Variants in PRKCE observed in about 807,000 individuals in gnomAD.
PRKCE encodes the protein protein kinase C epsilon.
In PRKCE, 16 loss-of-function variants were observed where a neutral mutation model predicts 85.4. That is an observed-to-expected ratio of 0.19 (90% CI 0.13 to 0.28). The LOEUF (loss-of-function observed/expected upper bound fraction) is 0.28. Among genes scored for constraint, PRKCE ranks in the 10% least tolerant of loss-of-function variants. The pLI, the probability that PRKCE is intolerant of heterozygous loss-of-function variation, is 1.00. For synonymous variants in PRKCE, 388 were observed against 371.5 expected, an observed-to-expected ratio of 1.04 and a Z score of -0.51; for missense variants, 573 against 975.2, an observed-to-expected ratio of 0.59 and a Z score of 5.49.
chr2:45,796,358 G>A (rs952209337), intron 1 of PRKCE, among the ~76,000 whole-genome samples: 13 of 152,196 alleles, frequency 8.5e-5, no homozygotes, highest in African/African-American at 2.4e-4. Context: ...TGTGTCAACC[G>A]AAGATAATAA....
chr2:46,169,179 C>G (rs1272551729), intron 14 of PRKCE, among the ~76,000 whole-genome samples: 1 of 152,182 alleles, frequency 6.6e-6, no homozygotes, highest in Non-Finnish European at 1.5e-5. Context: ...AAGAGACACT[C>G]TGGGGAATCC....
At chr2:45,789,041 G>A (rs1480834196) in intron 1 of PRKCE, among the ~76,000 whole-genome samples, 1 of 152,080 alleles carries the variant, frequency 6.6e-6, no homozygotes, top group East Asian at 1.9e-4. Context: ...CAAGCAAGGT[G>A]GAGAACCACC....
At chr2:45,904,915 G>T (rs575061212) in intron 2 of PRKCE, among the ~76,000 whole-genome samples, 2 of 152,310 alleles carry the variant, frequency 1.3e-5, no homozygotes, top group African/African-American at 4.8e-5. Context: ...GGAGTCAGGG[G>T]AACCTGGGGA....
intron 2 of PRKCE, among the ~76,000 whole-genome samples, chr2:45,849,183 C>T (rs1692042460): frequency 6.6e-6 from 1 of 152,172 alleles, no homozygotes. Flanking sequence ...AAGGCAGTTC[C>T]TTCTGGGTGT....
At chr2:46,180,360 G>T (rs1421448142) in intron 14 of PRKCE, among the ~76,000 whole-genome samples, 1 of 152,206 alleles carries the variant, frequency 6.6e-6, no homozygotes, top group Non-Finnish European at 1.5e-5. Context: ...GAACCTGGGG[G>T]ATGAGGCAAG....
In PRKCE at chr2:45,658,297, A is replaced by T. The variant is rs1324799342; in HGVS notation, c.348+5849A>T. On this transcript the variant is annotated intron_variant, in intron 1 of 14. Transcript: ENST00000306156. ...TGTTTAACAACTACCCAAAGGATTC[A>T]TTCTTGGCCCAGTGCTATCACAGAC... is the stretch of plus-strand genomic sequence containing the variant. 2.0e-5 allele frequency among the ~76,000 whole-genome samples: 3 copies of T among 152,220 alleles called. No homozygotes were observed. In the East Asian group the frequency reaches 5.8e-4, roughly 29 times the overall value.
In PRKCE at chr2:45,854,841, G is replaced by T. The variant is rs192734779; in HGVS notation, c.412+11778G>T. On this transcript the variant is annotated intron_variant, in intron 2 of 14. Coordinates refer to ENST00000306156, the MANE Select transcript of PRKCE (RefSeq NM_005400.3). ...AATGTGGCCAAGTGGAATAGAGAGA[G>T]AACTTATTCTGTGGCTCCTCTTGCA... Among the ~76,000 whole-genome samples, 199 of 152,322 alleles carry T rather than the reference G, an allele frequency of 1.3e-3. 3 individuals are homozygous for T. Among genetic ancestry groups the T allele is most frequent in the Non-Finnish European group, 1.4e-3 (95 of 68,032 alleles).
chr2:46,009,233 A>T (rs1205164554), intron 9 of PRKCE, among the ~76,000 whole-genome samples: 1 of 152,218 alleles, frequency 6.6e-6, no homozygotes, highest in African/African-American at 2.4e-5. Context: ...CTACATAAAG[A>T]TACATGATTC....
At position 45,901,343 on chromosome 2, in the gene PRKCE, C is replaced by T. The variant is rs531688850; in HGVS notation, c.412+58280C>T. On this transcript the variant is annotated intron_variant, in intron 2 of 14. Coordinates refer to ENST00000306156, the MANE Select transcript of PRKCE (RefSeq NM_005400.3). ...GGTTCTTACCCAAGGCCAAACGCTC[C>T]GACCTGGTCATGTTTTCATCTAGGT... is the stretch of plus-strand genomic sequence containing the variant. Among the ~76,000 whole-genome samples, 11 of 152,290 alleles carry T rather than the reference C, an allele frequency of 7.2e-5. No homozygotes were observed. The East Asian group carries it at 1.7e-3, about 24-fold the overall frequency.
At chr2:45,861,932 G>A (rs1221220686) in intron 2 of PRKCE, among the ~76,000 whole-genome samples, 1 of 152,148 alleles carries the variant, frequency 6.6e-6, no homozygotes, top group African/African-American at 2.4e-5. Context: ...AGTTGGAATA[G>A]TAGCTATACT....
At chr2:45,961,299 G>A (rs1355812294) in intron 2 of PRKCE, among the ~76,000 whole-genome samples, 1 of 152,088 alleles carries the variant, frequency 6.6e-6, no homozygotes, top group African/African-American at 2.4e-5. Flanking sequence ...TCCTTGCAAT[G>A]TTTACCCTGA....
At chr2:45,997,656 C>T (rs952351192) in intron 6 of PRKCE, among the ~76,000 whole-genome samples, 5 of 152,126 alleles carry the variant, frequency 3.3e-5, no homozygotes, top group African/African-American at 1.2e-4. Flanking sequence ...AAGCGATTCT[C>T]CTGCCTCAGC....
At chr2:45,753,669 A>AG (rs1381344740) in intron 1 of PRKCE, among the ~76,000 whole-genome samples, 1 of 152,074 alleles carries the variant, frequency 6.6e-6, no homozygotes, top group Non-Finnish European at 1.5e-5. Flanking sequence ...TTAAAAAAAA[A>AG]CCTTTCTTAT....
chr2:46,070,714 T>A (rs1220648520), intron 10 of PRKCE, among the ~76,000 whole-genome samples: 1 of 152,022 alleles, frequency 6.6e-6, no homozygotes. Context: ...TGAGGGTGAC[T>A]CCTGGAGTAA....
chr2:45,825,178 AC>A (rs1330958034), intron 1 of PRKCE, among the ~76,000 whole-genome samples: 1 of 152,016 alleles, frequency 6.6e-6, no homozygotes, highest in Non-Finnish European at 1.5e-5. Context: ...TAATCCTCTT[AC>A]TCCCTTTTCT....
chr2:46,154,463 C>CT (rs1676995811), intron 13 of PRKCE, among the ~76,000 whole-genome samples: 1 of 139,260 alleles, frequency 7.2e-6, no homozygotes, highest in African/African-American at 2.7e-5. Context: ...CCCCACCCCC[C>CT]CCAACCCCCC....
At position 45,884,954 on chromosome 2, in the gene PRKCE, CATATATATATATATATATATAT is replaced by C. The variant is rs745477412; in HGVS notation, c.412+41918_412+41939del. On this transcript the variant is annotated intron_variant, in intron 2 of 14. Coordinates refer to ENST00000306156, the MANE Select transcript of PRKCE (RefSeq NM_005400.3). ...TGCGTGTGATCTGTTATATGTGATC[CATATATATATATATATATATAT>C]ATATATATATATATATATATATATA... Among the ~76,000 whole-genome samples the C allele has an allele frequency of 2.4e-3, 92 of 37,570 alleles. 3 individuals are homozygous for C. Among genetic ancestry groups the C allele is most frequent in the African/African-American group, 6.4e-3 (49 of 7,602 alleles). 24.6% of individuals were successfully genotyped at this position (37,570 alleles called of 152,430 possible).
chr2:45,786,675 T>C lies in PRKCE; in HGVS notation c.349-56325T>C, dbSNP rs57158106. Reference sequence around the variant, plus strand: ...GAGTGAGGGGGCAAGGGTTTAAGTTTATTATCAAGGAACAGCAGCAAACCT... The same window carrying C: ...GAGTGAGGGGGCAAGGGTTTAAGTTCATTATCAAGGAACAGCAGCAAACCT... On this transcript the variant is annotated intron_variant, in intron 1 of 14. Transcript: ENST00000306156. This position sits in a 1 kb window ranked among gnomAD's most constrained non-coding sequence, Gnocchi z 5.3. 0.045 allele frequency among the ~76,000 whole-genome samples: 6,863 copies of C among 152,186 alleles called. 319 individuals are homozygous for C. The highest frequency in any genetic ancestry group is 0.12 in the East Asian group (619 of 5,164).
chr2:45,926,024 G>A (rs1252896486), intron 2 of PRKCE, among the ~76,000 whole-genome samples: 2 of 152,224 alleles, frequency 1.3e-5, no homozygotes, highest in East Asian at 3.8e-4. Flanking sequence ...AAGCCTCAGT[G>A]CCACCCACTT....
Sources: allele counts gnomAD v4.1 joint callset (sites outside exome capture counted in the v4.1 genomes callset), GRCh38; gene constraint gnomAD v4.1.1; non-coding constraint Gnocchi (gnomAD v3.1); transcripts MANE v1.5; gene names NCBI Gene and HGNC (gene_info 2026-07-23, HGNC 2026-07-21).